The following GABBR2 variants were observed in gnomAD, a reference collection of about 807,000 sequenced individuals.
GABBR2 encodes gamma-aminobutyric acid type B receptor subunit 2, also known as G-protein coupled receptor 51.
GABBR2 carries 23 observed loss-of-function variants against 105.6 expected under a neutral mutation model. The ratio of observed to expected loss-of-function variants is 0.22; its 90% CI spans 0.16 to 0.31. GABBR2 has a LOEUF of 0.31. Among genes scored for constraint, GABBR2 ranks in the 10% least tolerant of loss-of-function variants. The pLI is 1.00. For missense variants in GABBR2, 734 were observed against 1,245.5 expected, an observed-to-expected ratio of 0.59 and a Z score of 6.18; for synonymous variants, 478 against 499.7, an observed-to-expected ratio of 0.96 and a Z score of 0.58.
intron 2 of GABBR2, among the ~76,000 whole-genome samples, chr9:98,546,234 T>C (rs1312057348): frequency 6.6e-6 from 1 of 152,182 alleles, no homozygotes; most frequent in Non-Finnish European, 1.5e-5. Context: ...AGACTACTTA[T>C]GCATAATAGA....
At chr9:98,467,872 A>G (rs781489825) in intron 6 of GABBR2, among the ~76,000 whole-genome samples, 9 of 152,254 alleles carry the variant, frequency 5.9e-5, no homozygotes, top group Non-Finnish European at 8.8e-5. Flanking sequence ...GAATGTCCCT[A>G]TTGGAGAGGC....
intron 1 of GABBR2, among the ~76,000 whole-genome samples, chr9:98,581,817 T>C (rs938555750): frequency 6.6e-6 from 1 of 152,238 alleles, no homozygotes; most frequent in Non-Finnish European, 1.5e-5. Context: ...CAAAGTTGCA[T>C]TAAATAATAT....
At chr9:98,638,290 A>C (rs1829909099) in intron 1 of GABBR2, among the ~76,000 whole-genome samples, 1 of 152,252 alleles carries the variant, frequency 6.6e-6, no homozygotes, top group South Asian at 2.1e-4. Context: ...CTGAAACCAC[A>C]GACTCAAATC....
chr9:98,606,987 T>A, intron 1 of GABBR2: 1 of 828,272 alleles, frequency 1.2e-6, no homozygotes, highest in Non-Finnish European at 2.1e-6. Context: ...GCTCGCCCCA[T>A]GTCGCTCGGT....
At chr9:98,337,267 T>C (rs1831133126) in intron 13 of GABBR2, among the ~76,000 whole-genome samples, 1 of 152,032 alleles carries the variant, frequency 6.6e-6, no homozygotes, top group Non-Finnish European at 1.5e-5. Flanking sequence ...ATTGCACCAA[T>C]GCACTCCCGC....
intron 1 of GABBR2, chr9:98,607,046 A>C (rs1024401464): frequency 6.5e-6 from 9 of 1,374,360 alleles, no homozygotes; most frequent in Non-Finnish European, 9.3e-6. Flanking sequence ...CCAATCTCCC[A>C]AACCAAGTAT....
At chr9:98,565,849 G>T (rs1828744295) in intron 2 of GABBR2, among the ~76,000 whole-genome samples, 1 of 152,230 alleles carries the variant, frequency 6.6e-6, no homozygotes, top group Admixed American at 6.5e-5. Context: ...TTATTGGTAT[G>T]TTGGCTCTCT....
At chr9:98,632,058 A>G (rs1829821687) in intron 1 of GABBR2, among the ~76,000 whole-genome samples, 1 of 152,156 alleles carries the variant, frequency 6.6e-6, no homozygotes. Flanking sequence ...ACCCAGCCCC[A>G]ATTGTCTAGA....
intron 6 of GABBR2, among the ~76,000 whole-genome samples, chr9:98,460,606 T>C (rs1375069073): frequency 2.0e-5 from 3 of 151,820 alleles, no homozygotes; most frequent in East Asian, 3.9e-4. Flanking sequence ...GACTGAAACA[T>C]AGGGAGAAAA....
chr9:98,529,084 G>GAAT (rs1828015524), intron 3 of GABBR2, among the ~76,000 whole-genome samples: 1 of 151,928 alleles, frequency 6.6e-6, no homozygotes, highest in Non-Finnish European at 1.5e-5. Context: ...ATTGGATAAA[G>GAAT]ATGGTGAGAG....
chr9:98,591,154 G>T (rs1351185356), intron 1 of GABBR2, among the ~76,000 whole-genome samples: 2 of 152,218 alleles, frequency 1.3e-5, no homozygotes, highest in African/African-American at 4.8e-5. Context: ...GAGATATTCT[G>T]CCAAGACTTC....
chr9:98,658,875 A>G (rs895736721), intron 1 of GABBR2, among the ~76,000 whole-genome samples: 5 of 152,232 alleles, frequency 3.3e-5, no homozygotes, highest in Non-Finnish European at 5.9e-5. Flanking sequence ...ACAGAAAGGA[A>G]ATAGACAAGA....
intron 1 of GABBR2, among the ~76,000 whole-genome samples, chr9:98,682,009 C>A (rs946162907): frequency 6.6e-6 from 1 of 152,004 alleles, no homozygotes; most frequent in African/African-American, 2.4e-5. Flanking sequence ...TGGAGACAGG[C>A]GGATCACTTG....
chr9:98,545,871 C>T (rs191322216), intron 2 of GABBR2, among the ~76,000 whole-genome samples: 18 of 152,336 alleles, frequency 1.2e-4, no homozygotes, highest in Non-Finnish European at 2.4e-4. Context: ...CACCCAGCAT[C>T]TGGCATCACC....
chr9:98,521,383 A>T (rs923022450), intron 3 of GABBR2, among the ~76,000 whole-genome samples: 12 of 152,080 alleles, frequency 7.9e-5, no homozygotes, highest in Non-Finnish European at 1.6e-4. Flanking sequence ...TAAGTACTGG[A>T]GGGGAGGCTG....
At position 98,388,660 on chromosome 9, in the gene GABBR2, T is replaced by TGTGTGC. The variant is rs1053006846; in HGVS notation, c.1529+193_1529+194insGCACAC. On this transcript the variant is annotated intron_variant, in intron 10 of 18. Coordinates refer to ENST00000259455, the MANE Select transcript of GABBR2 (RefSeq NM_005458.8). This position sits in a 1 kb window ranked among gnomAD's most constrained non-coding sequence, Gnocchi z 4.4. Reference sequence around the variant, plus strand: ...GTGTGTGTGTGTGTGTGTGTGTGTGTGCGTGCACGCACACACACGTACTCA... The same window carrying TGTGTGC: ...GTGTGTGTGTGTGTGTGTGTGTGTGTGTGTGCGCGTGCACGCACACACACGTACTCA... 9.5e-4 allele frequency among the ~76,000 whole-genome samples: 134 copies of TGTGTGC among 141,788 alleles called. 2 individuals carry two copies. Among genetic ancestry groups the TGTGTGC allele is most frequent in the African/African-American group, 3.6e-3 (130 of 36,006 alleles). 93.0% of individuals were successfully genotyped at this position (141,788 alleles called of 152,430 possible).
chr9:98,622,325 T>A (rs1458369494), intron 1 of GABBR2, among the ~76,000 whole-genome samples: 1 of 152,020 alleles, frequency 6.6e-6, no homozygotes, highest in African/African-American at 2.4e-5. Context: ...TTGCTACACC[T>A]GGCTAATTTT....
chr9:98,453,718 G>C (rs1298068219), intron 7 of GABBR2, among the ~76,000 whole-genome samples: 1 of 152,240 alleles, frequency 6.6e-6, no homozygotes, highest in Non-Finnish European at 1.5e-5. Flanking sequence ...TTGTAGCAGA[G>C]TGAAAGCCTA....
chr9:98,446,327 C>T (rs1249139656), intron 7 of GABBR2, among the ~76,000 whole-genome samples: 1 of 152,080 alleles, frequency 6.6e-6, no homozygotes, highest in Non-Finnish European at 1.5e-5. Flanking sequence ...TATTATTTCC[C>T]ACAGCCACAC....
Sources: allele counts gnomAD v4.1 joint callset (sites outside exome capture counted in the v4.1 genomes callset), GRCh38; gene constraint gnomAD v4.1.1; non-coding constraint Gnocchi (gnomAD v3.1); transcripts MANE v1.5; gene names NCBI Gene and HGNC (gene_info 2026-07-23, HGNC 2026-07-21).